TRERF1: variants seen among roughly 807,000 people sequenced by gnomAD.
The protein encoded by TRERF1 is transcriptional regulating factor 1, also known as transcriptional-regulating factor 1.
In TRERF1, 27 loss-of-function variants were observed where a neutral mutation model predicts 122.9. That is an observed-to-expected ratio of 0.22 (90% CI 0.16 to 0.30). The LOEUF (loss-of-function observed/expected upper bound fraction) is 0.30. Among genes scored for constraint, TRERF1 ranks in the 10% least tolerant of loss-of-function variants. The probability of loss-of-function intolerance (pLI) is 1.00; values close to 1 mark genes in which losing one functional copy is unlikely to be tolerated. For synonymous variants in TRERF1, 636 were observed against 641.7 expected, an observed-to-expected ratio of 0.99 and a Z score of 0.13; for missense variants, 1,248 against 1,560.3, an observed-to-expected ratio of 0.80 and a Z score of 3.37.
At chr6:42,331,657 G>A (rs1171313603) in intron 3 of TRERF1, among the ~76,000 whole-genome samples, 1 of 152,152 alleles carries the variant, frequency 6.6e-6, no homozygotes, top group Non-Finnish European at 1.5e-5. Context: ...TCAGCAGCTG[G>A]GGCAGAATCA....
intron 3 of TRERF1, among the ~76,000 whole-genome samples, chr6:42,359,722 C>CA (rs534120488): frequency 6.6e-6 from 1 of 151,910 alleles, no homozygotes; most frequent in East Asian, 1.9e-4. Flanking sequence ...GACTCCGTCT[C>CA]AAAAAAACAC....
chr6:42,304,817 C>G (rs1786874242), intron 3 of TRERF1, among the ~76,000 whole-genome samples: 1 of 152,196 alleles, frequency 6.6e-6, no homozygotes, highest in Non-Finnish European at 1.5e-5. Flanking sequence ...AAGGCCTACC[C>G]ACAGCAAGAA....
intron 2 of TRERF1, among the ~76,000 whole-genome samples, chr6:42,420,930 CCCTTTTCCAGA>C (rs1420543717): frequency 6.6e-6 from 1 of 152,194 alleles, no homozygotes; most frequent in East Asian, 1.9e-4. Flanking sequence ...GCTTTTTCAG[CCCTTTTCCAGA>C]CAGCCCAGGC....
intron 8 of TRERF1, among the ~76,000 whole-genome samples, chr6:42,262,284 C>G (rs868142339): frequency 6.6e-6 from 1 of 152,002 alleles, no homozygotes; most frequent in Non-Finnish European, 1.5e-5. Context: ...ATTATCTTCT[C>G]TCCCTCTACC....
intron 2 of TRERF1, among the ~76,000 whole-genome samples, chr6:42,437,854 G>T (rs80211154): frequency 0.023 from 3,550 of 152,234 alleles, 148 homozygotes; most frequent in African/African-American, 0.082. Context: ...GAGGGTTAAA[G>T]GGGGAACAGA....
intron 4 of TRERF1, among the ~76,000 whole-genome samples, chr6:42,280,052 T>C (rs35341086): frequency 0.027 from 4,152 of 152,216 alleles, 56 homozygotes; most frequent in Non-Finnish European, 0.037. Context: ...AAAGCCTGTG[T>C]AGAAGCCCAG....
At chr6:42,415,374 G>C (rs1333700906) in intron 2 of TRERF1, among the ~76,000 whole-genome samples, 1 of 152,040 alleles carries the variant, frequency 6.6e-6, no homozygotes, top group Non-Finnish European at 1.5e-5. Flanking sequence ...CTCTTATGAA[G>C]TGGATCTCAT....
At chr6:42,297,305 T>C (rs1432155048) in intron 4 of TRERF1, among the ~76,000 whole-genome samples, 1 of 152,162 alleles carries the variant, frequency 6.6e-6, no homozygotes. Flanking sequence ...TGAATACACA[T>C]TGCTGAGATA....
At position 42,309,824 on chromosome 6, in the gene TRERF1, T is replaced by A. The variant is rs186237888; in HGVS notation, c.-370-9075A>T. Among the ~76,000 whole-genome samples the A allele has an allele frequency of 3.5e-3, 540 of 152,318 alleles. 4 individuals carry two copies. The highest frequency in any genetic ancestry group is 0.012 in the African/African-American group (514 of 41,570). On this transcript the variant is annotated intron_variant, in intron 3 of 17. Coordinates refer to ENST00000372922, the Ensembl canonical transcript of TRERF1. ...TTTATTGAGACAGGGTCTCACTCTG[T>A]CACCCAGGCTGGAGTGCAGTGGCAT...
At chr6:42,307,789 C>T (rs748981687) in intron 3 of TRERF1, among the ~76,000 whole-genome samples, 2 of 152,270 alleles carry the variant, frequency 1.3e-5, no homozygotes, top group Admixed American at 6.5e-5. Flanking sequence ...GGCACTGCTG[C>T]AGGGAGTCCC....
chr6:42,320,016 T>C (rs1324345546), intron 3 of TRERF1, among the ~76,000 whole-genome samples: 2 of 151,684 alleles, frequency 1.3e-5, no homozygotes, highest in Non-Finnish European at 2.9e-5. Flanking sequence ...ATTCTTCTGC[T>C]TCAGCCTCCC....
In TRERF1 at chr6:42,256,725, T is replaced by C. The variant is rs1446561858; in HGVS notation, c.2580+3A>G. On this transcript the variant is annotated splice_donor_region_variant and intron_variant, in intron 12 of 17. Coordinates refer to ENST00000372922, the Ensembl canonical transcript of TRERF1. ...GTAAAGCCTCTTTTTCATGGTTCCT[T>C]ACCATCACATCACCTTTGGCCTCAA... is the stretch of plus-strand genomic sequence containing the variant. The C allele has an allele frequency of 3.1e-6, 5 of 1,613,300 alleles. No homozygotes were observed. The highest frequency in any genetic ancestry group is 1.7e-6 in the Non-Finnish European group (2 of 1,179,198).
At chr6:42,299,073 T>C (rs558125255) in intron 4 of TRERF1, among the ~76,000 whole-genome samples, 1 of 150,986 alleles carries the variant, frequency 6.6e-6, no homozygotes, top group East Asian at 1.9e-4. Context: ...AGACCCTGTC[T>C]CTAAAAATAT....
At chr6:42,323,452 C>T (rs1054191207) in intron 3 of TRERF1, among the ~76,000 whole-genome samples, 16 of 152,224 alleles carry the variant, frequency 1.1e-4, no homozygotes, top group Admixed American at 7.8e-4. Flanking sequence ...CTGCCTCGGC[C>T]TCCCAAAGTG....
intron 3 of TRERF1, among the ~76,000 whole-genome samples, chr6:42,327,597 G>A (rs979298449): frequency 1.3e-5 from 2 of 152,216 alleles, no homozygotes; most frequent in Non-Finnish European, 2.9e-5. Flanking sequence ...TGTCTGCAGA[G>A]TAACAGTCTT....
intron 4 of TRERF1, among the ~76,000 whole-genome samples, chr6:42,270,804 G>T (rs543772003): frequency 7.6e-6 from 1 of 131,998 alleles, no homozygotes; most frequent in African/African-American, 2.9e-5. Context: ...ATGGAGTCTC[G>T]CTCTGTTGCC....
chr6:42,233,731 T>C (rs1771373651), intron 16 of TRERF1, among the ~76,000 whole-genome samples: 1 of 152,170 alleles, frequency 6.6e-6, no homozygotes, highest in Non-Finnish European at 1.5e-5. Context: ...GTGCTCTGGC[T>C]AGAATGGAGA....
In TRERF1 at chr6:42,256,952, T is replaced by A; in HGVS notation, c.2476+11A>T. 6.2e-7 allele frequency: 1 copy of A among 1,614,126 alleles called. No homozygotes were observed. The highest frequency in any genetic ancestry group is 1.6e-4 in the Middle Eastern group (1 of 6,062). Reference sequence around the variant, plus strand: ...AACCTCTCCCACCCAGCTCTTCCCATATGCCAATACCTCTTTGCTGGAGGT... The same window carrying A: ...AACCTCTCCCACCCAGCTCTTCCCAAATGCCAATACCTCTTTGCTGGAGGT... On this transcript the variant is annotated intron_variant, in intron 11 of 17. Coordinates refer to ENST00000372922, the Ensembl canonical transcript of TRERF1.
intron 2 of TRERF1, among the ~76,000 whole-genome samples, chr6:42,366,613 TCCTTCTTCAA>T (rs1456673328): frequency 6.6e-6 from 1 of 152,204 alleles, no homozygotes; most frequent in Admixed American, 6.5e-5. Flanking sequence ...ACTCTCTTCT[TCCTTCTTCAA>T]GGGAGAGCTT....
Sources: gnomAD v4.1 joint callset for allele counts (sites outside exome capture counted in the v4.1 genomes callset) on GRCh38, gnomAD v4.1.1 for gene constraint, MANE v1.5 for transcripts, NCBI Gene and HGNC (gene_info 2026-07-23, HGNC 2026-07-21) for gene names.